The following PTPRF variants were observed in gnomAD, a reference collection of about 807,000 sequenced individuals.
PTPRF encodes protein tyrosine phosphatase receptor type F.
Under a neutral mutation model 201.8 loss-of-function variants are expected in PTPRF, and 59 were observed. That is an observed-to-expected ratio of 0.29 (90% CI 0.24 to 0.36). PTPRF has a LOEUF of 0.36. PTPRF is among the 10% of genes least tolerant of loss of function. The pLI, the probability that PTPRF is intolerant of heterozygous loss-of-function variation, is 1.00. For synonymous variants in PTPRF, 1,088 were observed against 1,089.7 expected, an observed-to-expected ratio of 1.00 and a Z score of 0.03; for missense variants, 2,132 against 2,690.5, an observed-to-expected ratio of 0.79 and a Z score of 4.59.
At chr1:43,538,623 T>C (rs1644172217) in intron 2 of PTPRF, among the ~76,000 whole-genome samples, 1 of 152,206 alleles carries the variant, frequency 6.6e-6, no homozygotes, top group Admixed American at 6.5e-5. Flanking sequence ...GACATACAGC[T>C]CGTCAGCTAC....
chr1:43,563,159 C>T (rs1273998327), intron 5 of PTPRF, among the ~76,000 whole-genome samples: 2 of 146,392 alleles, frequency 1.4e-5, no homozygotes, highest in Non-Finnish European at 3.0e-5. Context: ...GCCTAGGCGA[C>T]CAAGCGAGAC....
rs145593130 is a variant in PTPRF at position 43,613,648 on chromosome 1, C to T, written c.4004C>T (p.Thr1335Ile). The change falls in exon 23 of 34, where the codon ACC (threonine) becomes ATC (isoleucine). Residue 1335 changes from threonine to isoleucine, a missense_variant. Transcript: ENST00000359947. ...CGAGACCACCCACCCATCCCCATCA[C>T]CGACCTGGCGGACAACATCGAGCGC... ...GMRDHPPIPI[T>I]DLADNIERLK... The T allele has an allele frequency of 3.1e-6, 5 of 1,614,222 alleles. No homozygotes were observed. The highest frequency in any genetic ancestry group is 2.2e-5 in the East Asian group (1 of 44,888).
intron 22 of PTPRF, chr1:43,612,656 C>G: frequency 2.0e-6 from 2 of 1,005,824 alleles, no homozygotes; most frequent in Admixed American, 4.8e-5. Flanking sequence ...CCTCGCAAGC[C>G]CGCTCGGCAC....
upstream of PTPRF, among the ~76,000 whole-genome samples, chr1:43,526,439 ATT>A (rs570011163): frequency 6.8e-6 from 1 of 147,994 alleles, no homozygotes; most frequent in Admixed American, 6.7e-5. Flanking sequence ...TACAAAAAAA[ATT>A]TTTTTTTTTT....
chr1:43,564,535 C>T (rs894521705), intron 5 of PTPRF, among the ~76,000 whole-genome samples: 4 of 152,312 alleles, frequency 2.6e-5, no homozygotes, highest in African/African-American at 7.2e-5. Flanking sequence ...CTAGTCACTG[C>T]AGGTGCCCCT....
chr1:43,549,440 C>G (rs894043417), intron 3 of PTPRF, among the ~76,000 whole-genome samples: 2 of 152,156 alleles, frequency 1.3e-5, no homozygotes, highest in Non-Finnish European at 2.9e-5. Flanking sequence ...TGGGCACACT[C>G]AAAGGCAGGG....
chr1:43,576,387 G>A (rs1366522798), intron 6 of PTPRF, among the ~76,000 whole-genome samples: 3 of 152,216 alleles, frequency 2.0e-5, no homozygotes, highest in East Asian at 1.9e-4. Flanking sequence ...GCTCTGTACC[G>A]TGGTAGAATG....
Position 43,603,441 on chromosome 1 carries a change from C to T in PTPRF, c.2366C>T (p.Pro789Leu). 6.2e-7 allele frequency: 1 copy of T among 1,614,158 alleles called. No homozygotes were observed. The highest frequency in any genetic ancestry group is 1.1e-5 in the South Asian group (1 of 91,088). The change falls in exon 15 of 34, where the codon CCG (proline) becomes CTG (leucine). Residue 789 changes from proline to leucine, a missense_variant. Transcript: ENST00000359947. This position sits in a 1 kb window ranked among gnomAD's most constrained non-coding sequence, Gnocchi z 5.8. ...GAAACCACTATCAGCGGCCTGACCC[C>T]GGAGACCACCTACTCCGTTACTGTT... Reference protein sequence around the residue: ...DYETTISGLTPETTYSVTVAA... With the variant: ...DYETTISGLTLETTYSVTVAA...
intron 21 of PTPRF, among the ~76,000 whole-genome samples, chr1:43,608,349 C>T (rs1306593924): frequency 6.6e-6 from 1 of 152,146 alleles, no homozygotes; most frequent in Non-Finnish European, 1.5e-5. Context: ...GGAGTTGTTC[C>T]TTCTCTCTTC....
chr1:43,556,367 T>A (rs947196141), intron 5 of PTPRF, among the ~76,000 whole-genome samples: 4 of 152,162 alleles, frequency 2.6e-5, no homozygotes, highest in Non-Finnish European at 5.9e-5. Context: ...GTTCAAGTGA[T>A]TGTCCTGCCT....
chr1:43,603,324 G>A lies in PTPRF; in HGVS notation c.2341-92G>A. On this transcript the variant is annotated intron_variant, in intron 14 of 33. Transcript: ENST00000359947. This position sits in a 1 kb window ranked among gnomAD's most constrained non-coding sequence, Gnocchi z 5.8. ...AACCCCTGGCCTTGTGTGCCCCGGG[G>A]CTCCCCTCAGGCTAGGGTCCTGAGG... The A allele has an allele frequency of 1.7e-6, 2 of 1,146,616 alleles. No homozygotes were observed. The highest frequency in any genetic ancestry group is 2.6e-6 in the Non-Finnish European group (2 of 762,814). 71.0% of individuals were successfully genotyped at this position (1,146,616 alleles called of 1,614,324 possible). A position where few individuals can be genotyped will look rare whatever the true frequency, so the allele number is the denominator to read the frequency against.
intron 7 of PTPRF, among the ~76,000 whole-genome samples, chr1:43,582,930 G>A (rs934482871): frequency 2.6e-5 from 4 of 152,204 alleles, no homozygotes; most frequent in Non-Finnish European, 4.4e-5. Context: ...GTGTGTGTGC[G>A]AGGGGGCACA....
chr1:43,580,799 G>A (rs1018578381), intron 7 of PTPRF, among the ~76,000 whole-genome samples: 2 of 152,212 alleles, frequency 1.3e-5, no homozygotes, highest in African/African-American at 4.8e-5. Context: ...GCAGTTCCAG[G>A]CCTCAGCAAG....
intron 11 of PTPRF, among the ~76,000 whole-genome samples, chr1:43,593,751 C>G (rs1651492610): frequency 1.3e-5 from 2 of 150,622 alleles, no homozygotes; most frequent in African/African-American, 4.9e-5. Flanking sequence ...TTGGGGAGGC[C>G]AAGGTGGGCG....
At chr1:43,545,453 T>G (rs1644602365) in intron 3 of PTPRF, among the ~76,000 whole-genome samples, 1 of 152,098 alleles carries the variant, frequency 6.6e-6, no homozygotes, top group Non-Finnish European at 1.5e-5. Context: ...TTGTGTGATG[T>G]GCGCGTGTGT....
At chr1:43,604,831 C>A in intron 16 of PTPRF, 72 bp from the exon 17 acceptor site, 1 of 1,313,634 alleles carries the variant, frequency 7.6e-7, no homozygotes, top group Non-Finnish European at 1.1e-6. Flanking sequence ...TGGCCATTCA[C>A]CTTCCACCCT....
chr1:43,538,385 G>T, intron 2 of PTPRF, 108 bp downstream of exon 2: 1 of 397,550 alleles, frequency 2.5e-6, no homozygotes, highest in Non-Finnish European at 4.4e-6. Flanking sequence ...TATAGAGGGG[G>T]TGTCAGCAGG....
At chr1:43,560,105 A>AGTGTGTGT (rs58961389) in intron 5 of PTPRF, among the ~76,000 whole-genome samples, 3 of 139,784 alleles carry the variant, frequency 2.1e-5, no homozygotes, top group African/African-American at 5.3e-5. Context: ...TGCAGCAGGC[A>AGTGTGTGT]GTGTGTGTGT....
chr1:43,620,748 G>T (rs1659024389), intron 31 of PTPRF, 90 bp from the exon 32 acceptor site: 1 of 1,531,830 alleles, frequency 6.5e-7, no homozygotes, highest in Non-Finnish European at 8.9e-7. Context: ...ACAGATGCAT[G>T]CCTGTATCAT....
Sources: gnomAD v4.1 joint callset for allele counts (sites outside exome capture counted in the v4.1 genomes callset) on GRCh38, gnomAD v4.1.1 for gene constraint, Gnocchi (gnomAD v3.1) non-coding constraint, MANE v1.5 for transcripts, NCBI Gene and HGNC (gene_info 2026-07-23, HGNC 2026-07-21) for gene names.